Variants in BICC1 observed in about 807,000 individuals in gnomAD.
BICC1 encodes the protein protein bicaudal C homolog 1.
In BICC1, 43 loss-of-function variants were observed where a neutral mutation model predicts 111.0. That is an observed-to-expected ratio of 0.39 (90% CI 0.30 to 0.50). The LOEUF (loss-of-function observed/expected upper bound fraction) is 0.50, where lower values mean the gene tolerates loss of function less well. Among genes scored for constraint, BICC1 ranks in the 20% least tolerant of loss-of-function variants. The probability of loss-of-function intolerance (pLI) is 0.88; values close to 1 mark genes in which losing one functional copy is unlikely to be tolerated. For missense variants in BICC1, 1,091 were observed against 1,203.2 expected (o/e 0.91, Z 1.38); for synonymous variants, 467 against 434.4 (o/e 1.07, Z -0.93).
intron 1 of BICC1, among the ~76,000 whole-genome samples, chr10:58,562,477 A>G (rs778131674): frequency 2.0e-5 from 3 of 151,330 alleles, no homozygotes; most frequent in African/African-American, 4.9e-5. Flanking sequence ...GTTCTTTTTT[A>G]TATCTATTTG....
At chr10:58,615,137 G>A (rs1273197074) in intron 1 of BICC1, among the ~76,000 whole-genome samples, 3 of 151,422 alleles carry the variant, frequency 2.0e-5, no homozygotes, top group South Asian at 4.2e-4. Context: ...CTGGGTGTTC[G>A]CTTTAGCTAG....
intron 3 of BICC1, among the ~76,000 whole-genome samples, chr10:58,721,179 C>A (rs1395006338): frequency 1.3e-5 from 2 of 152,190 alleles, no homozygotes; most frequent in Non-Finnish European, 2.9e-5. Flanking sequence ...TATGTCTTTT[C>A]AGAACATCCT....
intron 3 of BICC1, among the ~76,000 whole-genome samples, chr10:58,767,607 G>A (rs747444216): frequency 3.6e-4 from 55 of 152,112 alleles, no homozygotes; most frequent in African/African-American, 1.1e-3. Flanking sequence ...CAAATTACCC[G>A]ACAAGGAATT....
intron 5 of BICC1, among the ~76,000 whole-genome samples, chr10:58,787,324 T>C (rs1843039632): frequency 6.6e-6 from 1 of 152,158 alleles, no homozygotes; most frequent in East Asian, 1.9e-4. Flanking sequence ...GCGGAAGATG[T>C]AATGGCCACA....
At chr10:58,584,138 A>T (rs898390648) in intron 1 of BICC1, among the ~76,000 whole-genome samples, 1 of 151,976 alleles carries the variant, frequency 6.6e-6, no homozygotes, top group African/African-American at 2.4e-5. Context: ...CTATGTTGAC[A>T]TTCCCATTTC....
At chr10:58,585,336 G>T (rs1844400182) in intron 1 of BICC1, among the ~76,000 whole-genome samples, 1 of 152,040 alleles carries the variant, frequency 6.6e-6, no homozygotes, top group East Asian at 1.9e-4. Flanking sequence ...GGTTGGTGCT[G>T]GTCACTTTTG....
intron 2 of BICC1, among the ~76,000 whole-genome samples, chr10:58,622,597 T>G (rs1198527117): frequency 6.6e-6 from 1 of 152,198 alleles, no homozygotes; most frequent in East Asian, 1.9e-4. Flanking sequence ...TATCTTCTCA[T>G]TTGTTTCTTT....
intron 2 of BICC1, among the ~76,000 whole-genome samples, chr10:58,657,007 A>G (rs1328967746): frequency 2.0e-5 from 3 of 152,080 alleles, no homozygotes; most frequent in Non-Finnish European, 2.9e-5. Flanking sequence ...TTATTGAGGC[A>G]CTTCTACCTT....
At chr10:58,671,154 T>C (rs542036764) in intron 2 of BICC1, among the ~76,000 whole-genome samples, 82 of 152,344 alleles carry the variant, frequency 5.4e-4, no homozygotes, top group Non-Finnish European at 9.6e-4. Flanking sequence ...CATATTCTAG[T>C]GTCTCCAAGA....
At chr10:58,567,742 A>C (rs944905347) in intron 1 of BICC1, among the ~76,000 whole-genome samples, 34 of 151,996 alleles carry the variant, frequency 2.2e-4, no homozygotes, top group African/African-American at 7.5e-4. Context: ...TAGTTAATAG[A>C]TTACTTATAA....
intron 1 of BICC1, among the ~76,000 whole-genome samples, chr10:58,616,082 G>A (rs1845594209): frequency 6.6e-6 from 1 of 152,160 alleles, no homozygotes; most frequent in Non-Finnish European, 1.5e-5. Context: ...GGACCTTCAG[G>A]TGCAGGCAGG....
chr10:58,639,037 AG>A (rs1361534386), intron 2 of BICC1, among the ~76,000 whole-genome samples: 5 of 152,144 alleles, frequency 3.3e-5, no homozygotes, highest in African/African-American at 1.2e-4. Context: ...AGCTAAATCA[AG>A]CTAATTAACG....
chr10:58,766,488 T>A (rs1182210040), intron 3 of BICC1, among the ~76,000 whole-genome samples: 2 of 152,134 alleles, frequency 1.3e-5, no homozygotes, highest in Non-Finnish European at 2.9e-5. Flanking sequence ...ATTTGGATAA[T>A]CTCCTGAACT....
At chr10:58,739,220 G>T (rs1841574098) in intron 3 of BICC1, among the ~76,000 whole-genome samples, 1 of 152,164 alleles carries the variant, frequency 6.6e-6, no homozygotes, top group Admixed American at 6.5e-5. Context: ...CTGTGGGTTT[G>T]TCATAGATAG....
At position 58,739,359 on chromosome 10, in the gene BICC1, G is replaced by T. The variant is rs569433638; in HGVS notation, c.307+37216G>T. Among the ~76,000 whole-genome samples the T allele has an allele frequency of 1.4e-4, 21 of 152,168 alleles. No homozygotes were observed. The South Asian group carries it at 2.9e-3, about 21-fold the overall frequency. On this transcript the variant is annotated intron_variant, in intron 3 of 20. Coordinates refer to ENST00000373886, the MANE Select transcript of BICC1 (RefSeq NM_001080512.3). ...GATAATCATATGGTTTTTGTCTTTG[G>T]TTCTGTTTATATGCTGGATTACATT...
At chr10:58,740,421 C>T (rs1182086524) in intron 3 of BICC1, among the ~76,000 whole-genome samples, 2 of 152,100 alleles carry the variant, frequency 1.3e-5, no homozygotes, top group African/African-American at 4.8e-5. Context: ...AAGACACCAT[C>T]AGGTATTTCA....
At chr10:58,774,754 T>C (rs989009570) in intron 3 of BICC1, among the ~76,000 whole-genome samples, 26 of 152,230 alleles carry the variant, frequency 1.7e-4, no homozygotes, top group African/African-American at 5.8e-4. Context: ...CTTCTTGGGC[T>C]TGAAATTTTG....
At chr10:58,515,408 A>G (rs559223895) in intron 1 of BICC1, among the ~76,000 whole-genome samples, 4 of 152,296 alleles carry the variant, frequency 2.6e-5, no homozygotes, top group South Asian at 2.1e-4. Context: ...GGTATAGTCT[A>G]TTGCTCCTAG....
intron 3 of BICC1, among the ~76,000 whole-genome samples, chr10:58,702,962 T>G (rs1840282912): frequency 6.6e-6 from 1 of 152,154 alleles, no homozygotes; most frequent in African/African-American, 2.4e-5. Context: ...TTGCTGCCCC[T>G]TCTCCCCATG....
Sources: gnomAD v4.1 joint callset for allele counts (sites outside exome capture counted in the v4.1 genomes callset) on GRCh38, gnomAD v4.1.1 for gene constraint, MANE v1.5 for transcripts, NCBI Gene and HGNC (gene_info 2026-07-23, HGNC 2026-07-21) for gene names.